The following UNC13B variants were observed in gnomAD, a reference collection of about 807,000 sequenced individuals.
UNC13B encodes the protein protein unc-13 homolog B.
Under a neutral mutation model 211.0 loss-of-function variants are expected in UNC13B, and 144 were observed. The observed-to-expected ratio is 0.68, with a 90% CI of 0.60 to 0.78. The LOEUF (loss-of-function observed/expected upper bound fraction) is 0.78. UNC13B is among the 30% of genes least tolerant of loss of function. The pLI is 0.00. For missense variants in UNC13B, 1,777 were observed against 2,002.0 expected (o/e 0.89, Z 2.14); for synonymous variants, 709 against 725.8 (o/e 0.98, Z 0.37).
chr9:35,228,703 AGTGTGTGTGTGTGT>A lies in UNC13B; in HGVS notation c.52+692_52+705del, dbSNP rs56971215. On this transcript the variant is annotated intron_variant, in intron 2 of 39. Coordinates refer to ENST00000635942, the MANE Select transcript of UNC13B (RefSeq NM_001371189.2). Reference sequence around the variant, plus strand: ...TTTTCCCCCAGCAACACATCATGAAAGTGTGTGTGTGTGTGTGTGTGTGTGTGTGTGTGTGTGTG... The same window carrying A: ...TTTTCCCCCAGCAACACATCATGAAAGTGTGTGTGTGTGTGTGTGTGTGTG... Among the ~76,000 whole-genome samples the A allele has an allele frequency of 4.2e-3, 590 of 140,584 alleles. 1 individual carries two copies. Among genetic ancestry groups the A allele is most frequent in the African/African-American group, 8.4e-3 (314 of 37,578 alleles). 92.2% of individuals were successfully genotyped at this position (140,584 alleles called of 152,430 possible).
chr9:35,351,508 T>C, intron 11 of UNC13B: 1 of 1,232,170 alleles, frequency 8.1e-7, no homozygotes. Context: ...AGAGAACCCC[T>C]CAAACCCTGA....
chr9:35,225,922 G>T (rs1054165880), intron 1 of UNC13B, among the ~76,000 whole-genome samples: 1 of 152,102 alleles, frequency 6.6e-6, no homozygotes, highest in African/African-American at 2.4e-5. Flanking sequence ...GCAGTGGTGC[G>T]CCAGTCCTTG....
chr9:35,254,988 ATATAT>A (rs535651973), intron 6 of UNC13B, among the ~76,000 whole-genome samples: 2,367 of 121,130 alleles, frequency 0.02, 69 homozygotes, highest in African/African-American at 0.063. Flanking sequence ...TAATATATGT[ATATAT>A]TATATTATAT....
intron 7 of UNC13B, among the ~76,000 whole-genome samples, chr9:35,295,427 T>C (rs1829303360): frequency 6.6e-6 from 1 of 152,172 alleles, no homozygotes; most frequent in Non-Finnish European, 1.5e-5. Flanking sequence ...CAAAGAATTC[T>C]ACAGTGGGAA....
chr9:35,384,265 T>C lies in UNC13B; in HGVS notation c.10826T>C (p.Leu3609Pro), dbSNP rs959302036. The C allele has an allele frequency of 1.2e-6, 2 of 1,614,130 alleles. No homozygotes were observed. Among genetic ancestry groups the C allele is most frequent in the African/African-American group, 2.7e-5 (2 of 75,048 alleles). The change falls in exon 22 of 40, where the codon CTG becomes CCG. Residue 3609 changes from leucine to proline, a missense_variant. Coordinates refer to ENST00000635942, the MANE Select transcript of UNC13B (RefSeq NM_001371189.2). ...SNFGKERFVK[L>P]LDQLHNSLRI... ...CCTCAGAAAGAGAGATTTGTAAAAC[T>C]GCTGGACCAGCTACACAACTCACTG... is the stretch of plus-strand genomic sequence containing the variant.
chr9:35,378,503 C>G lies in UNC13B; in HGVS notation c.10205+67C>G. The G allele has an allele frequency of 6.9e-6, 11 of 1,588,894 alleles. No individual in the cohort carries two copies. The South Asian group carries it at 1.2e-4, about 18-fold the overall frequency. On this transcript the variant is annotated intron_variant, in intron 17 of 39. Transcript: ENST00000635942. ...TTGGGGGAGCAGGATCACATCCTGC[C>G]ATTCTGGGCTTGAGCTTGAAGATTG...
chr9:35,286,610 A>G lies in UNC13B; in HGVS notation c.527-9086A>G, dbSNP rs372310835. On this transcript the variant is annotated intron_variant, in intron 7 of 39. Transcript: ENST00000635942. ...CACAGTGGCTCCTGTCTGTAATCCC[A>G]GCACTTTGGGAGGCTGAAGCAGTAG... Among the ~76,000 whole-genome samples, 4 of 152,076 alleles carry G rather than the reference A, an allele frequency of 2.6e-5. No homozygotes were observed. In the East Asian group the frequency reaches 7.7e-4, roughly 29 times the overall value.
chr9:35,201,497 G>T (rs1406571294), intron 1 of UNC13B, among the ~76,000 whole-genome samples: 21 of 151,514 alleles, frequency 1.4e-4, no homozygotes, highest in East Asian at 3.9e-4. Flanking sequence ...CTATTAATTA[G>T]TGCCTCAATT....
intron 1 of UNC13B, among the ~76,000 whole-genome samples, chr9:35,171,393 T>C (rs1485512852): frequency 6.6e-6 from 1 of 152,136 alleles, no homozygotes; most frequent in Non-Finnish European, 1.5e-5. Flanking sequence ...TGAGCCACCA[T>C]GCCTGGTCTC....
At chr9:35,287,473 G>A (rs1828864527) in intron 7 of UNC13B, among the ~76,000 whole-genome samples, 1 of 152,102 alleles carries the variant, frequency 6.6e-6, no homozygotes, top group Non-Finnish European at 1.5e-5. Context: ...AGTTCCAGTT[G>A]CTCCACAGCC....
At chr9:35,368,810 T>C (rs966545199) in intron 12 of UNC13B, among the ~76,000 whole-genome samples, 1 of 152,010 alleles carries the variant, frequency 6.6e-6, no homozygotes, top group African/African-American at 2.4e-5. Flanking sequence ...AGATCATTTA[T>C]GTTTAAAAAA....
chr9:35,212,545 C>T (rs972077168), intron 1 of UNC13B, among the ~76,000 whole-genome samples: 1 of 152,116 alleles, frequency 6.6e-6, no homozygotes, highest in Non-Finnish European at 1.5e-5. Context: ...TGCACTCCAT[C>T]CTGGGTGACA....
rs1829652703 is a variant in UNC13B, at chr9:35,300,993, C to A, written c.1589C>A (p.Thr530Asn). ...KDTAISFPELTGVQCAVGSLF... is the reference protein window; with the variant it reads ...KDTAISFPELNGVQCAVGSLF... ...ACGGCCATCTCTTTCCCTGAGTTGA[C>A]TGGAGTACAATGTGCTGTTGGTTCT... Residue 530 changes from threonine (T) to asparagine (N), a missense_variant, in exon 9 of 40, where the codon ACT becomes AAT. Transcript: ENST00000635942. The A allele has an allele frequency of 5.8e-5, 23 of 398,862 alleles. No homozygotes were observed. The East Asian group carries it at 8.2e-4, about 14-fold the overall frequency. The allele number at this position is 398,862 out of a possible 1,614,324, so 24.7% of individuals were successfully genotyped here.
intron 11 of UNC13B, among the ~76,000 whole-genome samples, chr9:35,359,509 AG>A (rs1342414450): frequency 6.6e-6 from 1 of 152,184 alleles, no homozygotes; most frequent in Admixed American, 6.5e-5. Flanking sequence ...GGATGTAAAT[AG>A]GCATCTCATT....
Position 35,396,466 on chromosome 9 carries a change from C to T in UNC13B, c.11309-10C>T, listed in dbSNP as rs375515160. 119 of 1,613,926 alleles carry T rather than the reference C, an allele frequency of 7.4e-5. No individual in the cohort carries two copies. The highest frequency in any genetic ancestry group is 9.3e-5 in the Non-Finnish European group (110 of 1,179,998). On this transcript the variant is annotated splice_polypyrimidine_tract_variant and intron_variant, in intron 26 of 39. Coordinates refer to ENST00000635942, the MANE Select transcript of UNC13B (RefSeq NM_001371189.2). ...CTGGGACCTGACCCAACCTTTCTCC[C>T]TACCACTAGAGCATGAGAAAGACCA...
chr9:35,259,696 C>T (rs1197249000), intron 7 of UNC13B, among the ~76,000 whole-genome samples: 3 of 145,030 alleles, frequency 2.1e-5, no homozygotes, highest in Non-Finnish European at 3.0e-5. Context: ...CCCAGTTTCC[C>T]TCAAAACAGC....
At chr9:35,291,571 G>A (rs1564116563) in intron 7 of UNC13B, among the ~76,000 whole-genome samples, 1 of 152,166 alleles carries the variant, frequency 6.6e-6, no homozygotes, top group Non-Finnish European at 1.5e-5. Context: ...TATTGGTCTA[G>A]CAAATTGTGA....
intron 3 of UNC13B, among the ~76,000 whole-genome samples, 197 bp from the exon 4 acceptor site, chr9:35,236,272 A>T (rs1016756080): frequency 3.3e-5 from 5 of 152,182 alleles, no homozygotes; most frequent in Non-Finnish European, 5.9e-5. Flanking sequence ...ATTTAACTGT[A>T]ACAAAGGCAG....
intron 1 of UNC13B, among the ~76,000 whole-genome samples, chr9:35,209,287 C>G (rs759332980): frequency 6.6e-5 from 10 of 152,132 alleles, no homozygotes; most frequent in Non-Finnish European, 1.0e-4. Context: ...TAGTCTTGAT[C>G]TCCTGACCTC....
Sources: gnomAD v4.1 joint callset for allele counts (sites outside exome capture counted in the v4.1 genomes callset) on GRCh38, gnomAD v4.1.1 for gene constraint, MANE v1.5 for transcripts, NCBI Gene and HGNC (gene_info 2026-07-23, HGNC 2026-07-21) for gene names.